OMG: variants seen among roughly 807,000 people sequenced by gnomAD.
OMG encodes oligodendrocyte myelin glycoprotein, also known as oligodendrocyte-myelin glycoprotein.
OMG carries 9 observed loss-of-function variants against 26.2 expected under a neutral mutation model. The ratio of observed to expected loss-of-function variants is 0.34; its 90% CI spans 0.21 to 0.60. The LOEUF is 0.60. Among genes scored for constraint, OMG ranks in the 20% least tolerant of loss-of-function variants. OMG has a pLI of 0.80. For missense variants in OMG, 402 were observed against 513.6 expected (o/e 0.78, Z 2.10); for synonymous variants, 179 against 190.4 (o/e 0.94, Z 0.49).
chr17:31,296,593 T>TC (rs1389828435), intron 1 of OMG: 5 of 456,976 alleles, frequency 1.1e-5, no homozygotes, highest in Non-Finnish European at 2.0e-5. Context: ...TCTCTCTCCC[T>TC]CCCCCCTTTT....
At chr17:31,296,479 C>T in intron 1 of OMG, 142 bp from the exon 2 acceptor site, 1 of 766,592 alleles carries the variant, frequency 1.3e-6, no homozygotes. Context: ...ATTAAACTAA[C>T]AAAGCTCCCC....
rs1379858064 is a variant in OMG at position 31,295,587 on chromosome 17, C to T, written c.745G>A (p.Val249Met). ...TGGGTAGAACATGGAGTCCCTATCA[C>T]ATGGGCTTTTGTTTCCATCATCCAC... ...LKWMMETKAH[V>M]IGTPCSTQIS... Residue 249 changes from valine to methionine, a missense_variant, in exon 2 of 2, where the codon GTG (valine) becomes ATG (methionine). Transcript: ENST00000247271. 3 of 1,614,148 alleles carry T rather than the reference C, an allele frequency of 1.9e-6. No individual in the cohort carries two copies. In the South Asian group the frequency reaches 3.3e-5, roughly 18 times the overall value.
chr17:31,295,173 G>T lies in OMG; in HGVS notation c.1159C>A (p.Pro387Thr). 6.2e-7 allele frequency: 1 copy of T among 1,614,150 alleles called. No individual in the cohort carries two copies. The highest frequency in any genetic ancestry group is 8.5e-7 in the Non-Finnish European group (1 of 1,179,998). The change falls in exon 2 of 2, where the codon CCA becomes ACA. Residue 387 changes from proline to threonine, a missense_variant. By Grantham distance (38) the Pro-to-Thr change is conservative. This residue lies in a region of OMG where 247 missense variants were observed against 274.7 expected (regional missense o/e 0.90). Coordinates refer to ENST00000247271, the MANE Select transcript of OMG (RefSeq NM_002544.5). ...TGAGGCATTTCAGAGAAATTATTTG[G>T]CATGCCACTAGTGATACTTAGGGTC... ...PMTLSITSGMPNNFSEMPQQS... is the reference protein window; with the variant it reads ...PMTLSITSGMTNNFSEMPQQS...
chr17:31,296,545 C>T, intron 1 of OMG: 1 of 576,188 alleles, frequency 1.7e-6, no homozygotes, highest in South Asian at 1.9e-5. Context: ...TAGAGAGAGA[C>T]TCTCTCCCTA....
At position 31,295,066 on chromosome 17, in the gene OMG, C is replaced by G. The variant is rs1416032870; in HGVS notation, c.1266G>C (p.Trp422Cys). 1.1e-5 allele frequency: 17 copies of G among 1,614,046 alleles called. No homozygotes were observed. The highest frequency in any genetic ancestry group is 1.4e-5 in the Non-Finnish European group (17 of 1,180,016). The change falls in exon 2 of 2, where the codon TGG becomes TGC. Residue 422 changes from tryptophan to cysteine, a missense_variant. Trp to Cys is a radical substitution (Grantham distance 215, BLOSUM62 -2). Around this residue, in one of 3 missense-constraint regions of OMG, gnomAD observed 247 missense variants for 274.7 expected, o/e 0.90. Transcript: ENST00000247271. ...ATAAGAGAAATGAAGCATTTACTTT[C>G]CAAGCATTTGCCACAGAAGGTAATG... ...KTPLPSVANA[W>C]KVNASFLLLL...
rs369630110 is a variant in OMG, at chr17:31,295,480, C to G, written c.852G>C (p.Gln284His). ...TSSLFTVSGM[Q>H]TVDTINSLSV... ...TCAGAGAGTTAATGGTGTCCACTGT[C>G]TGCATCCCACTTACAGTGAATAAGC... Residue 284 changes from glutamine to histidine, a missense_variant, in exon 2 of 2, where the codon CAG (glutamine) becomes CAC (histidine). Coordinates refer to ENST00000247271, the MANE Select transcript of OMG (RefSeq NM_002544.5). 18 of 1,614,030 alleles carry G rather than the reference C, an allele frequency of 1.1e-5. No individual in the cohort carries two copies. The African/African-American group carries it at 2.3e-4, about 20-fold the overall frequency.
rs762556564 is a variant in OMG at position 31,295,288 on chromosome 17, T to G, written c.1044A>C (p.Ala348=). The G allele has an allele frequency of 8.7e-6, 14 of 1,614,024 alleles. No homozygotes were observed. In the East Asian group the frequency reaches 3.1e-4, roughly 36 times the overall value. The part of the protein sequence containing the change: ...TSTETINSHE[A]AAATLTIHLQ... ...GATGAATAGTTAGAGTTGCAGCTGC[T>G]GCTTCATGTGAATTGATAGTCTCTG... is the stretch of plus-strand genomic sequence containing the variant. The change falls in exon 2 of 2, where the codon GCA becomes GCC. Residue 348 remains alanine (A), a synonymous_variant. Transcript: ENST00000247271.
intron 1 of OMG, 35 bp from the exon 2 acceptor site, chr17:31,296,372 G>A: frequency 6.2e-7 from 1 of 1,611,966 alleles, no homozygotes; most frequent in Admixed American, 1.7e-5. Context: ...CTTTTAATAT[G>A]CAAATACAGT....
rs2068449028 is a variant in OMG at position 31,295,684 on chromosome 17, C to G, written c.648G>C (p.Gln216His). 6.2e-7 allele frequency: 1 copy of G among 1,613,962 alleles called. No individual in the cohort carries two copies. The highest frequency in any genetic ancestry group is 8.5e-7 in the Non-Finnish European group (1 of 1,179,976). Reference protein sequence around the residue: ...IPDQSFDQLFQLQEITLYNNR... With the variant: ...IPDQSFDQLFHLQEITLYNNR... ...TATTGTAAAGGGTTATCTCTTGCAACTGAAAGAGTTGGTCAAAAGATTGGT... is the reference window on the plus strand; with the variant it reads ...TATTGTAAAGGGTTATCTCTTGCAAGTGAAAGAGTTGGTCAAAAGATTGGT... The change falls in exon 2 of 2, where the codon CAG becomes CAC. Residue 216 changes from glutamine (Q) to histidine (H), a missense_variant. Gln to His is a conservative substitution (Grantham distance 24). Coordinates refer to ENST00000247271, the MANE Select transcript of OMG (RefSeq NM_002544.5).
rs1000343494 is a variant in OMG at position 31,296,209 on chromosome 17, A to G, written c.123T>C (p.Cys41=). 1.9e-6 allele frequency: 3 copies of G among 1,613,982 alleles called. No individual in the cohort carries two copies. Among genetic ancestry groups the G allele is most frequent in the African/African-American group, 1.3e-5 (1 of 74,922 alleles). ...ICTERHRHVD[C]SGRNLSTLPS... is the part of the protein sequence containing the mutation. ...GTAATGTAGACAAGTTTCTGCCTGA[A>G]CAGTCCACATGCCTGTGCCTCTCTG... is the stretch of plus-strand genomic sequence containing the variant. Residue 41 remains cysteine, a synonymous_variant, in exon 2 of 2, where the codon TGT becomes TGC. Coordinates refer to ENST00000247271, the MANE Select transcript of OMG (RefSeq NM_002544.5).
rs1472226505 is a variant in OMG, at chr17:31,296,315, A to C, written c.17T>G (p.Leu6Trp). MEYQILKMSLCLFILL... is the reference protein window; with the variant it reads MEYQIWKMSLCLFILL... ...GATGAACAGGCAGAGAGACATTTTC[A>C]ATATCTGATATTCCATCAAAGCCTA... The change falls in exon 2 of 2, where the codon TTG (leucine) becomes TGG (tryptophan). Residue 6 changes from leucine (L) to tryptophan (W), a missense_variant. Coordinates refer to ENST00000247271, the MANE Select transcript of OMG (RefSeq NM_002544.5). 1.2e-6 allele frequency: 2 copies of C among 1,614,038 alleles called. No individual in the cohort carries two copies. The highest frequency in any genetic ancestry group is 1.1e-5 in the South Asian group (1 of 91,080).
At chr17:31,296,439 T>A in intron 1 of OMG, 102 bp from the exon 2 acceptor site, 1 of 1,057,582 alleles carries the variant, frequency 9.5e-7, no homozygotes, top group Non-Finnish European at 1.5e-6. Flanking sequence ...AACCTCGTTG[T>A]TGTCGAGTCC....
rs2068438251 is a variant in OMG, at chr17:31,295,264, A to G, written c.1068T>C (p.His356=). The G allele has an allele frequency of 1.2e-6, 2 of 1,613,924 alleles. No individual in the cohort carries two copies. The highest frequency in any genetic ancestry group is 3.3e-5 in the Admixed American group (2 of 59,994). Residue 356 remains histidine (H), a synonymous_variant, in exon 2 of 2, where the codon CAT becomes CAC. Coordinates refer to ENST00000247271, the MANE Select transcript of OMG (RefSeq NM_002544.5). ...TGTTTGTGACCATTCCATCTTGGAG[A>G]TGAATAGTTAGAGTTGCAGCTGCTG... ...HEAAAATLTI[H]LQDGMVTNTS...
Position 31,294,884 on chromosome 17 carries a change from G to C in OMG, c.*125C>G. On this transcript the variant is annotated 3_prime_UTR_variant, in exon 2 of 2. Coordinates refer to ENST00000247271, the MANE Select transcript of OMG (RefSeq NM_002544.5). ...AGTTACTTCATTTACATCAGAGTTA[G>C]AAATGTTAAGACTGGCTTTCTTGAA... 2 of 1,275,074 alleles carry C rather than the reference G, an allele frequency of 1.6e-6. No homozygotes were observed. Among genetic ancestry groups the C allele is most frequent in the South Asian group, 1.2e-5 (1 of 82,054 alleles). The allele number at this position is 1,275,074 out of a possible 1,614,324, so 79.0% of individuals were successfully genotyped here. A position where few individuals can be genotyped will look rare whatever the true frequency, so the allele number is the denominator to read the frequency against.
Position 31,296,162 on chromosome 17 carries a change from AT to A in OMG, c.169del (p.Ile57LeufsTer4). 6.2e-7 allele frequency: 1 copy of A among 1,612,404 alleles called. No individual in the cohort carries two copies. The highest frequency in any genetic ancestry group is 8.5e-7 in the Non-Finnish European group (1 of 1,178,860). On this transcript the variant is annotated frameshift_variant, in exon 2 of 2. Coordinates refer to ENST00000247271, the MANE Select transcript of OMG (RefSeq NM_002544.5). LOFTEE classifies it high-confidence loss of function. ...STLPSGLQEN[I>X]IHLNLSYNHF... Reference sequence around the variant, plus strand: ...GTTATAAGACAGGTTTAAATGTATAATATTCTCTTGCAGTCCAGATGGTAAT... The same window carrying A: ...GTTATAAGACAGGTTTAAATGTATAAATTCTCTTGCAGTCCAGATGGTAAT...
rs1213700958 is a variant in OMG, at chr17:31,295,199, A to G, written c.1133T>C (p.Met378Thr). 2 of 1,614,128 alleles carry G rather than the reference A, an allele frequency of 1.2e-6. No individual in the cohort carries two copies. The highest frequency in any genetic ancestry group is 1.7e-5 in the Admixed American group (1 of 60,012). ...TSSTKSSPTP[M>T]TLSITSGMPN... ...CATGCCACTAGTGATACTTAGGGTC[A>G]TGGGTGTTGGGGATGATTTTGTTGA... is the stretch of plus-strand genomic sequence containing the variant. The change falls in exon 2 of 2, where the codon ATG (methionine) becomes ACG (threonine). Residue 378 changes from methionine to threonine, a missense_variant. Transcript: ENST00000247271.
Position 31,295,474 on chromosome 17 carries a change from C to CA in OMG, c.857dup (p.Asp287GlyfsTer4). 1 of 1,614,100 alleles carries CA rather than the reference C, an allele frequency of 6.2e-7. No homozygotes were observed. Among genetic ancestry groups the CA allele is most frequent in the Non-Finnish European group, 8.5e-7 (1 of 1,180,016 alleles). On this transcript the variant is annotated frameshift_variant, in exon 2 of 2. Transcript: ENST00000247271. LOFTEE classifies it high-confidence loss of function. ...CCACACTCAGAGAGTTAATGGTGTC[C>CA]ACTGTCTGCATCCCACTTACAGTGA...
intron 1 of OMG, 191 bp from the exon 2 acceptor site, chr17:31,296,528 T>C (rs1460522431): frequency 3.2e-6 from 2 of 616,434 alleles, no homozygotes; most frequent in Non-Finnish European, 5.9e-6. Flanking sequence ...TCAATTGGGC[T>C]ATGTGGTAGA....
In OMG at chr17:31,295,349, T is replaced by C. The variant is rs995594665; in HGVS notation, c.983A>G (p.Asp328Gly). 3.7e-6 allele frequency: 6 copies of C among 1,614,058 alleles called. No individual in the cohort carries two copies. In the African/African-American group the frequency reaches 4.0e-5, roughly 11 times the overall value. The change falls in exon 2 of 2, where the codon GAT becomes GGT. Residue 328 changes from aspartate (D) to glycine (G), a missense_variant. Physicochemically the swap from Asp to Gly is moderately conservative, Grantham distance 94. Coordinates refer to ENST00000247271, the MANE Select transcript of OMG (RefSeq NM_002544.5). ...TTCTGGATAGGGCACAAAAGCCTTA[T>C]CAGTGCTAGTAAAGGTGGTGTCTTT... ...LSKDTTFTST[D>G]KAFVPYPEDT... is the part of the protein sequence containing the mutation.
Sources: allele counts gnomAD v4.1 joint callset, GRCh38; gene constraint gnomAD v4.1.1; regional missense constraint gnomAD v4.1.1; transcripts MANE v1.5; gene names NCBI Gene and HGNC (gene_info 2026-07-23, HGNC 2026-07-21).